The following ANO3 variants were observed in gnomAD, a reference collection of about 807,000 sequenced individuals.
ANO3 encodes anoctamin 3.
A neutral mutation model predicts 144.8 loss-of-function variants in ANO3; 99 were observed. The observed-to-expected ratio is 0.68, with a 90% confidence interval of 0.58 to 0.81. ANO3 has a LOEUF of 0.81. Among genes scored for constraint, ANO3 ranks in the 30% least tolerant of loss-of-function variants. The pLI, the probability that ANO3 is intolerant of heterozygous loss-of-function variation, is 0.00. For missense variants in ANO3, 905 were observed against 1,202.2 expected (o/e 0.75, Z 3.66); for synonymous variants, 414 against 392.6 (o/e 1.05, Z -0.64).
intron 1 of ANO3, among the ~76,000 whole-genome samples, chr11:26,203,711 T>C (rs1279297354): frequency 3.9e-5 from 6 of 152,142 alleles, no homozygotes; most frequent in Non-Finnish European, 8.8e-5. Flanking sequence ...TCTCCCGCTT[T>C]TAGGAAACTG....
chr11:26,565,611 C>A (rs138488868), intron 14 of ANO3: 1 of 1,613,018 alleles, frequency 6.2e-7, no homozygotes, highest in Non-Finnish European at 8.5e-7. Flanking sequence ...ATCTGTTATT[C>A]CGTGGCTGTT....
At chr11:26,341,352 A>G (rs181079331) in intron 1 of ANO3, among the ~76,000 whole-genome samples, 9 of 152,308 alleles carry the variant, frequency 5.9e-5, no homozygotes, top group Admixed American at 5.2e-4. Context: ...GTGTGAAATA[A>G]AAGATATTAT....
chr11:26,433,138 G>A (rs990001657), intron 1 of ANO3, among the ~76,000 whole-genome samples: 4 of 152,010 alleles, frequency 2.6e-5, no homozygotes, highest in African/African-American at 9.7e-5. Context: ...GTATTCCTAG[G>A]TATTTTTTGT....
Position 26,491,861 on chromosome 11 carries a change from A to C in ANO3, c.433-16243A>C, listed in dbSNP as rs1860723763. Among the ~76,000 whole-genome samples, 3 of 152,228 alleles carry C rather than the reference A, an allele frequency of 2.0e-5. No homozygotes were observed. In the South Asian group the frequency reaches 6.2e-4, roughly 31 times the overall value. ...TAATTTTTTGAAGTTTTCTGAAAAA[A>C]AATATAAAAACTTAAAAGTAAAAGA... is the stretch of plus-strand genomic sequence containing the variant. On this transcript the variant is annotated intron_variant, in intron 4 of 26. Coordinates refer to ENST00000256737, the MANE Select transcript of ANO3 (RefSeq NM_031418.4).
chr11:26,366,511 G>A (rs888865582), intron 1 of ANO3, among the ~76,000 whole-genome samples: 2 of 152,024 alleles, frequency 1.3e-5, no homozygotes, highest in Non-Finnish European at 2.9e-5. Flanking sequence ...GGGATGGCTG[G>A]GTCAAATGGT....
At chr11:26,573,410 T>C (rs771890112) in intron 14 of ANO3, among the ~76,000 whole-genome samples, 10 of 152,190 alleles carry the variant, frequency 6.6e-5, no homozygotes, top group Non-Finnish European at 1.0e-4. Flanking sequence ...AGTTAGTTAC[T>C]GAACAGTGGC....
chr11:26,267,184 G>GCACA (rs373864169), intron 1 of ANO3, among the ~76,000 whole-genome samples: 15 of 147,644 alleles, frequency 1.0e-4, no homozygotes, highest in East Asian at 4.0e-4. Context: ...ACGCACGCAC[G>GCACA]CACACACACA....
intron 1 of ANO3, among the ~76,000 whole-genome samples, chr11:26,230,925 C>T (rs1233598052): frequency 6.8e-6 from 1 of 147,854 alleles, no homozygotes; most frequent in Non-Finnish European, 1.5e-5. Context: ...TGGAGTCTCC[C>T]TCTGTTGCCC....
chr11:26,547,983 A>G (rs1849831864), intron 12 of ANO3, among the ~76,000 whole-genome samples: 1 of 151,946 alleles, frequency 6.6e-6, no homozygotes, highest in Non-Finnish European at 1.5e-5. Context: ...CCACCCTGGG[A>G]GATGCATAGC....
At chr11:26,521,262 A>G (rs984865217) in intron 6 of ANO3, among the ~76,000 whole-genome samples, 3 of 152,160 alleles carry the variant, frequency 2.0e-5, no homozygotes, top group Non-Finnish European at 4.4e-5. Flanking sequence ...TAGGAAACAT[A>G]TGTATCTCTT....
intron 4 of ANO3, among the ~76,000 whole-genome samples, chr11:26,471,915 C>A (rs1047875330): frequency 4.6e-5 from 7 of 151,886 alleles, no homozygotes; most frequent in African/African-American, 1.7e-4. Context: ...TTTGTTTTTC[C>A]CATGAGTACT....
At chr11:26,273,768 T>C (rs1342323843) in intron 1 of ANO3, among the ~76,000 whole-genome samples, 1 of 151,856 alleles carries the variant, frequency 6.6e-6, no homozygotes, top group Non-Finnish European at 1.5e-5. Context: ...TAACCGAAGA[T>C]GACTTGATGG....
At chr11:26,455,720 CTACTTTAAAG>C (rs1859127243) in intron 3 of ANO3, among the ~76,000 whole-genome samples, 1 of 150,270 alleles carries the variant, frequency 6.7e-6, no homozygotes, top group Non-Finnish European at 1.5e-5. Context: ...TGGAAAAAAA[CTACTTTAAAG>C]TTCATATTGA....
intron 1 of ANO3, among the ~76,000 whole-genome samples, chr11:26,257,471 T>C (rs1432389392): frequency 6.6e-6 from 1 of 152,164 alleles, no homozygotes; most frequent in Non-Finnish European, 1.5e-5. Context: ...GGTTCAGTTC[T>C]TTCACTAATG....
At chr11:26,394,570 C>CTTTTTTTTTTTTTTTTTTTTTT (rs56118844) in intron 1 of ANO3, among the ~76,000 whole-genome samples, 2 of 115,750 alleles carry the variant, frequency 1.7e-5, no homozygotes, top group Non-Finnish European at 1.8e-5. Context: ...ATTTCATTTT[C>CTTTTTTTTTTTTTTTTTTTTTT]TTTTTTTTTT....
At chr11:26,436,834 C>G (rs1858312975) in intron 1 of ANO3, among the ~76,000 whole-genome samples, 1 of 151,934 alleles carries the variant, frequency 6.6e-6, no homozygotes, top group Non-Finnish European at 1.5e-5. Flanking sequence ...CAGTTGCTGA[C>G]TGGAAAACAC....
chr11:26,502,308 G>A (rs1861230486), intron 4 of ANO3, among the ~76,000 whole-genome samples: 2 of 152,036 alleles, frequency 1.3e-5, no homozygotes, highest in South Asian at 4.1e-4. Context: ...TGCTTGCACT[G>A]TCTCATTTAG....
Position 26,475,625 on chromosome 11 carries a change from G to T in ANO3, c.432+12477G>T, listed in dbSNP as rs1859935169. 2.6e-5 allele frequency among the ~76,000 whole-genome samples: 4 copies of T among 151,782 alleles called. No individual in the cohort carries two copies. In the South Asian group the frequency reaches 8.3e-4, roughly 31 times the overall value. The stretch of plus-strand genomic sequence containing the variant: ...TACATACTCAGCTATCAGTATAAAA[G>T]GAGCTTCATATTTGAAAACTTTTCA... On this transcript the variant is annotated intron_variant, in intron 4 of 26. Transcript: ENST00000256737.
At chr11:26,548,627 G>C (rs1259188207) in intron 12 of ANO3, among the ~76,000 whole-genome samples, 1 of 151,790 alleles carries the variant, frequency 6.6e-6, no homozygotes, top group Non-Finnish European at 1.5e-5. Context: ...AAACAAAACA[G>C]CTTTATTGTC....
Sources: gnomAD v4.1 joint callset for allele counts (sites outside exome capture counted in the v4.1 genomes callset) on GRCh38, gnomAD v4.1.1 for gene constraint, MANE v1.5 for transcripts, NCBI Gene and HGNC (gene_info 2026-07-23, HGNC 2026-07-21) for gene names.